Variants in MRC1 observed in about 807,000 individuals in gnomAD.
The protein encoded by MRC1 is macrophage mannose receptor 1.
Under a neutral mutation model 102.9 loss-of-function variants are expected in MRC1, and 62 were observed. The observed-to-expected ratio is 0.60, with a 90% CI of 0.49 to 0.74. MRC1 has a LOEUF of 0.74. Ranked by LOEUF, MRC1 falls within the 30% of genes least tolerant of loss-of-function variation. The probability of loss-of-function intolerance (pLI) is 0.00; values close to 1 mark genes in which losing one functional copy is unlikely to be tolerated. For synonymous variants in MRC1, 457 were observed against 298.4 expected, an observed-to-expected ratio of 1.53 and a Z score of -5.48; for missense variants, 1,237 against 862.8, an observed-to-expected ratio of 1.43 and a Z score of -5.43.
At chr10:17,896,807 G>A (rs924447628) in intron 23 of MRC1, among the ~76,000 whole-genome samples, 1 of 152,096 alleles carries the variant, frequency 6.6e-6, no homozygotes, top group Non-Finnish European at 1.5e-5. Context: ...AAACAAAAAA[G>A]TTGGCACTTC....
rs1465205062 is a variant in MRC1 at position 17,894,304 on chromosome 10, C to A, written c.3242C>A (p.Thr1081Lys). 9 of 871,558 alleles carry A rather than the reference C, an allele frequency of 1.0e-5. No individual in the cohort carries two copies. Among genetic ancestry groups the A allele is most frequent in the Non-Finnish European group, 1.6e-5 (8 of 501,260 alleles). 54.0% of individuals were successfully genotyped at this position (871,558 alleles called of 1,614,324 possible). A position where few individuals can be genotyped will look rare whatever the true frequency, so the allele number is the denominator to read the frequency against. ...CDSKRGYICQ[T>K]RSDPSLTNPP... ...AGTAAACGAGGCTACATATGCCAGA[C>A]ACGATCCGGTAAGTTCTACCAAACC... The change falls in exon 23 of 30, where the codon ACA becomes AAA. Residue 1081 changes from threonine (T) to lysine (K), a missense_variant. Transcript: ENST00000569591.
intron 18 of MRC1, among the ~76,000 whole-genome samples, chr10:17,879,377 G>A (rs1269933044): frequency 6.6e-6 from 1 of 151,924 alleles, no homozygotes; most frequent in East Asian, 1.9e-4. Flanking sequence ...TTTATGAGGT[G>A]GAGCTTTGCT....
At chr10:17,815,218 A>C (rs1485400966) in intron 1 of MRC1, among the ~76,000 whole-genome samples, 1 of 152,110 alleles carries the variant, frequency 6.6e-6, no homozygotes, top group Non-Finnish European at 1.5e-5. Context: ...AGCACAGAGT[A>C]ATGTTGAACT....
In MRC1 at chr10:17,910,312, C is replaced by A; in HGVS notation, c.4218C>A (p.Ala1406=). 1.3e-6 allele frequency: 1 copy of A among 780,746 alleles called. No homozygotes were observed. Among genetic ancestry groups the A allele is most frequent in the Non-Finnish European group, 2.4e-6 (1 of 417,954 alleles). The allele number at this position is 780,746 out of a possible 1,614,324, so 48.4% of individuals were successfully genotyped here. The part of the protein sequence containing the change: ...ILLILTGAGL[A]AYFFYKKRRV... ...TGATTTTAACGGGTGCTGGCCTTGCCGCCTATTTCTTTTATAAGAAAAGAC... is the reference window on the plus strand; with the variant it reads ...TGATTTTAACGGGTGCTGGCCTTGCAGCCTATTTCTTTTATAAGAAAAGAC... Residue 1406 remains alanine (A), a synonymous_variant, in exon 30 of 30, where the codon GCC becomes GCA. Coordinates refer to ENST00000569591, the MANE Select transcript of MRC1 (RefSeq NM_002438.4).
rs782098996 is a variant in MRC1, at chr10:17,823,112, C to T, written c.100C>T (p.Arg34Cys). Residue 34 changes from arginine (R) to cysteine (C), a missense_variant, in exon 2 of 30, where the codon CGC becomes TGC. Arg to Cys is a radical substitution (Grantham distance 180). Coordinates refer to ENST00000569591, the MANE Select transcript of MRC1 (RefSeq NM_002438.4). Reference sequence around the variant, plus strand: ...TTTAATCTATAATGAAGATCACAAGCGCTGCGTGGATGCAGTGAGTCCCAG... The same window carrying T: ...TTTAATCTATAATGAAGATCACAAGTGCTGCGTGGATGCAGTGAGTCCCAG... The part of the protein sequence containing the change: ...QFLIYNEDHK[R>C]CVDAVSPSAV... The T allele has an allele frequency of 4.6e-5, 36 of 780,732 alleles. No homozygotes were observed. The highest frequency in any genetic ancestry group is 3.9e-4 in the East Asian group (16 of 41,266). 48.4% of individuals were successfully genotyped at this position (780,732 alleles called of 1,614,324 possible).
At chr10:17,818,756 G>T (rs938288982) in intron 1 of MRC1, among the ~76,000 whole-genome samples, 1 of 152,172 alleles carries the variant, frequency 6.6e-6, no homozygotes, top group African/African-American at 2.4e-5. Context: ...CCAAGATGGC[G>T]CCACTGTACT....
chr10:17,847,853 A>G lies in MRC1; in HGVS notation c.1064-1726A>G, dbSNP rs1170189119. 2.0e-5 allele frequency among the ~76,000 whole-genome samples: 3 copies of G among 152,116 alleles called. No homozygotes were observed. The East Asian group carries it at 5.8e-4, about 29-fold the overall frequency. ...TGGCTGATACTATTTTCAATTTCCT[A>G]GGTAGCAAAATTAAAATAACCCACC... On this transcript the variant is annotated intron_variant, in intron 6 of 29. Coordinates refer to ENST00000569591, the MANE Select transcript of MRC1 (RefSeq NM_002438.4).
At chr10:17,908,197 A>T (rs1435894909) in intron 28 of MRC1, among the ~76,000 whole-genome samples, 1 of 152,180 alleles carries the variant, frequency 6.6e-6, no homozygotes, top group Non-Finnish European at 1.5e-5. Context: ...CTCTATCTGG[A>T]ATTTAAAAAT....
At chr10:17,887,883 A>C (rs1294990289) in intron 22 of MRC1, among the ~76,000 whole-genome samples, 1 of 152,136 alleles carries the variant, frequency 6.6e-6, no homozygotes, top group Non-Finnish European at 1.5e-5. Context: ...GCTCACTGCA[A>C]CTTCCACCTC....
At chr10:17,866,445 C>T in intron 11 of MRC1, 117 bp from the exon 12 acceptor site, 1 of 773,752 alleles carries the variant, frequency 1.3e-6, no homozygotes, top group Non-Finnish European at 2.4e-6. Context: ...CCCCCTGCAT[C>T]TGAGATCATA....
At chr10:17,870,469 A>T in intron 13 of MRC1, 96 bp downstream of exon 13, 1 of 776,846 alleles carries the variant, frequency 1.3e-6, no homozygotes, top group South Asian at 1.4e-5. Context: ...TTGTCTCAGG[A>T]TGCTAGTTTG....
intron 23 of MRC1, among the ~76,000 whole-genome samples, chr10:17,896,379 C>G (rs1833755705): frequency 6.6e-6 from 1 of 152,178 alleles, no homozygotes; most frequent in African/African-American, 2.4e-5. Context: ...ATACTACACT[C>G]TATAGCACCA....
intron 21 of MRC1, among the ~76,000 whole-genome samples, chr10:17,881,966 T>G (rs1370417057): frequency 1.4e-5 from 2 of 146,902 alleles, no homozygotes; most frequent in Non-Finnish European, 3.0e-5. Context: ...TACCTGGCTT[T>G]GAAATATTTT....
chr10:17,883,475 T>G (rs1037963804), intron 21 of MRC1, among the ~76,000 whole-genome samples: 10 of 152,202 alleles, frequency 6.6e-5, no homozygotes, highest in African/African-American at 2.2e-4. Context: ...GAAGAGTTTT[T>G]TTTTTTTTTT....
Position 17,909,284 on chromosome 10 carries a change from ATTT to A in MRC1, c.4079-11_4079-9del. On this transcript the variant is annotated intron_variant, in intron 28 of 29. Transcript: ENST00000569591. The stretch of plus-strand genomic sequence containing the variant: ...CTGCAATTATTCTGGGTTTTTATAA[ATTT>A]TTTTTTTTTTACACACAGTTATTGA... 4.0e-6 allele frequency: 3 copies of A among 754,810 alleles called. No individual in the cohort carries two copies. The highest frequency in any genetic ancestry group is 1.5e-5 in the South Asian group (1 of 65,376). The allele number at this position is 754,810 out of a possible 1,614,324, so 46.8% of individuals were successfully genotyped here. A position where few individuals can be genotyped will look rare whatever the true frequency, so the allele number is the denominator to read the frequency against.
intron 1 of MRC1, among the ~76,000 whole-genome samples, chr10:17,812,464 T>G (rs1367906129): frequency 6.6e-6 from 1 of 152,144 alleles, no homozygotes; most frequent in Non-Finnish European, 1.5e-5. Flanking sequence ...GCTGTTTTGC[T>G]GTTTACTGAT....
At chr10:17,909,224 A>G in intron 28 of MRC1, 82 bp from the exon 29 acceptor site, 1 of 755,486 alleles carries the variant, frequency 1.3e-6, no homozygotes, top group Middle Eastern at 2.4e-4. Context: ...GGAGGATTCC[A>G]TGTATTTGTG....
chr10:17,863,734 A>C lies in MRC1; in HGVS notation c.1783+52A>C, dbSNP rs1483175827. On this transcript the variant is annotated intron_variant, in intron 11 of 29. Transcript: ENST00000569591. ...TGCTTTCACCCTACGAATCTGTTAG[A>C]TAAAGTCTGTTATTCCTCCGGGTAT... 4 of 768,142 alleles carry C rather than the reference A, an allele frequency of 5.2e-6. No individual in the cohort carries two copies. The Admixed American group carries it at 7.1e-5, about 14-fold the overall frequency. 47.6% of individuals were successfully genotyped at this position (768,142 alleles called of 1,614,324 possible). A position where few individuals can be genotyped will look rare whatever the true frequency, so the allele number is the denominator to read the frequency against.
intron 10 of MRC1, among the ~76,000 whole-genome samples, chr10:17,861,786 C>T (rs1002310527): frequency 0.018 from 2,675 of 152,118 alleles, 83 homozygotes; most frequent in African/African-American, 0.061. Flanking sequence ...ATCCATTCGA[C>T]GTTGAATTTT....
Sources: allele counts gnomAD v4.1 joint callset (sites outside exome capture counted in the v4.1 genomes callset), GRCh38; gene constraint gnomAD v4.1.1; transcripts MANE v1.5; gene names NCBI Gene and HGNC (gene_info 2026-07-23, HGNC 2026-07-21).